Variants in ZBTB44 observed in about 807,000 individuals in gnomAD.
ZBTB44 encodes the protein zinc finger and BTB domain containing 44, also known as zinc finger and BTB domain-containing protein 44.
ZBTB44 carries 15 observed loss-of-function variants against 54.0 expected under a neutral mutation model. The observed-to-expected ratio is 0.28, with a 90% CI of 0.19 to 0.43. The LOEUF (loss-of-function observed/expected upper bound fraction) is 0.43. Among genes scored for constraint, ZBTB44 ranks in the 20% least tolerant of loss-of-function variants. The probability of loss-of-function intolerance (pLI) is 1.00; values close to 1 mark genes in which losing one functional copy is unlikely to be tolerated. For missense variants in ZBTB44, 487 were observed against 707.1 expected (o/e 0.69, Z 3.53); for synonymous variants, 230 against 250.1 (o/e 0.92, Z 0.76).
chr11:130,293,597 T>C (rs1160770026), intron 1 of ZBTB44, among the ~76,000 whole-genome samples: 1 of 142,036 alleles, frequency 7.0e-6, no homozygotes, highest in Non-Finnish European at 1.5e-5. Flanking sequence ...CTGGCCAACA[T>C]GATGAAACTC....
At chr11:130,292,310 T>C (rs1264960832) in intron 1 of ZBTB44, among the ~76,000 whole-genome samples, 1 of 152,228 alleles carries the variant, frequency 6.6e-6, no homozygotes, top group East Asian at 1.9e-4. Flanking sequence ...ACTCTTAATA[T>C]GGCTTATTAT....
chr11:130,293,004 G>T (rs557058265), intron 1 of ZBTB44, among the ~76,000 whole-genome samples: 2 of 152,098 alleles, frequency 1.3e-5, no homozygotes, highest in Admixed American at 6.6e-5. Context: ...CAAGTTTTTA[G>T]ATTAGATTTA....
intron 2 of ZBTB44, among the ~76,000 whole-genome samples, chr11:130,252,001 T>C (rs562742118): frequency 6.6e-6 from 1 of 152,276 alleles, no homozygotes; most frequent in South Asian, 2.1e-4. Context: ...TTGAGACCCA[T>C]TGGTGTGCTG....
Position 130,237,000 on chromosome 11 carries a change from C to T in ZBTB44, c.1361G>A (p.Cys454Tyr), listed in dbSNP as rs753105168. 1 of 1,612,172 alleles carries T rather than the reference C, an allele frequency of 6.2e-7. No individual in the cohort carries two copies. Among genetic ancestry groups the T allele is most frequent in the Non-Finnish European group, 8.5e-7 (1 of 1,179,166 alleles). ...MHRLKHEGKR[C>Y]FRCQICSATF... ...GGCACTACATATCTGGCACCGGAAA[C>T]AGCGTTTACCTTCATGCTTTAGGCG... Residue 454 changes from cysteine (C) to tyrosine (Y), a missense_variant, in exon 5 of 8, where the codon TGT becomes TAT. Physicochemically the swap from Cys to Tyr is radical, Grantham distance 194 (BLOSUM62 -2). This residue lies in a region of ZBTB44 where 120 missense variants were observed against 240.3 expected (regional missense o/e 0.50). Transcript: ENST00000357899.
At chr11:130,234,055 G>A in intron 6 of ZBTB44, 101 bp downstream of exon 6, 1 of 1,533,256 alleles carries the variant, frequency 6.5e-7, no homozygotes, top group Non-Finnish European at 8.8e-7. Flanking sequence ...CTCAGCACAA[G>A]CACTGCTCTT....
chr11:130,299,458 C>A (rs1053941096), intron 1 of ZBTB44, among the ~76,000 whole-genome samples: 1 of 150,954 alleles, frequency 6.6e-6, no homozygotes, highest in Admixed American at 6.6e-5. Context: ...GAGGCTGGGG[C>A]AGGAGAATCA....
At chr11:130,236,136 T>C in intron 5 of ZBTB44, 1 of 1,286,908 alleles carries the variant, frequency 7.8e-7, no homozygotes, top group Non-Finnish European at 1.0e-6. Context: ...AGTTTCAAGC[T>C]TTTTCATGTG....
chr11:130,277,568 ATTTC>A (rs1411113742), intron 1 of ZBTB44, among the ~76,000 whole-genome samples: 1 of 151,936 alleles, frequency 6.6e-6, no homozygotes, highest in African/African-American at 2.4e-5. Flanking sequence ...GATTTATTAC[ATTTC>A]TTTGTTATGG....
At chr11:130,284,841 C>T (rs1940825736) in intron 1 of ZBTB44, among the ~76,000 whole-genome samples, 1 of 152,008 alleles carries the variant, frequency 6.6e-6, no homozygotes, top group Non-Finnish European at 1.5e-5. Flanking sequence ...ACTCCACAGC[C>T]TGGGAAACAG....
Position 130,234,239 on chromosome 11 carries a change from G to A in ZBTB44, c.1603C>T (p.Gln535Ter). ...FLVPDYLNQE[Q>*]EETLVQYDLG... is the part of the protein sequence containing the mutation. The stretch of plus-strand genomic sequence containing the variant: ...TCATATTGAACAAGGGTCTCTTCTT[G>A]TTCCTGGTTTAAGTAGTCCGGTACT... Residue 535 changes from glutamine (Q) to a stop codon, truncating the protein, a stop_gained, in exon 6 of 8, where the codon CAA becomes TAA. Coordinates refer to ENST00000357899, the MANE Select transcript of ZBTB44 (RefSeq NM_001301098.2). LOFTEE classifies it high-confidence loss of function. 6.5e-7 allele frequency: 1 copy of A among 1,528,160 alleles called. No individual in the cohort carries two copies. The highest frequency in any genetic ancestry group is 8.8e-7 in the Non-Finnish European group (1 of 1,138,024). 94.7% of individuals were successfully genotyped at this position (1,528,160 alleles called of 1,614,324 possible).
chr11:130,311,885 G>A (rs1007522384), intron 1 of ZBTB44, among the ~76,000 whole-genome samples: 5 of 152,110 alleles, frequency 3.3e-5, no homozygotes, highest in African/African-American at 1.2e-4. Context: ...ACACACAATA[G>A]TCAGCTTGAA....
chr11:130,295,915 A>G lies in ZBTB44; in HGVS notation c.-57+18460T>C. The G allele has an allele frequency of 2.6e-6, 4 of 1,514,854 alleles. No homozygotes were observed. The South Asian group carries it at 4.5e-5, about 17-fold the overall frequency. 93.8% of individuals were successfully genotyped at this position (1,514,854 alleles called of 1,614,324 possible). On this transcript the variant is annotated intron_variant, in intron 1 of 7. Coordinates refer to ENST00000357899, the MANE Select transcript of ZBTB44 (RefSeq NM_001301098.2). ...CTATGGGTTGATAATGGGTGGCAGT[A>G]ACGGATCTGCTGAAGCACAGAAACT... is the stretch of plus-strand genomic sequence containing the variant.
intron 1 of ZBTB44, among the ~76,000 whole-genome samples, chr11:130,270,178 T>C (rs1055129657): frequency 2.0e-5 from 3 of 152,186 alleles, no homozygotes; most frequent in African/African-American, 7.2e-5. Flanking sequence ...TCTATTTAAA[T>C]ATGCAGCCAC....
intron 2 of ZBTB44, among the ~76,000 whole-genome samples, chr11:130,245,183 G>T (rs1443307132): frequency 6.6e-6 from 1 of 152,162 alleles, no homozygotes; most frequent in African/African-American, 2.4e-5. Flanking sequence ...TCTGGTGTAT[G>T]TGTAGCATTT....
Position 130,305,243 on chromosome 11 carries a change from C to T in ZBTB44, c.-57+9132G>A, listed in dbSNP as rs145322382. The stretch of plus-strand genomic sequence containing the variant: ...AAAATACCATCATCATTCTATAGAA[C>T]TAGAAAACACAATTCTAAAATTCAT... On this transcript the variant is annotated intron_variant, in intron 1 of 7. Transcript: ENST00000357899. 7.2e-4 allele frequency among the ~76,000 whole-genome samples: 109 copies of T among 152,140 alleles called. No homozygotes were observed. The East Asian group carries it at 0.02, about 28-fold the overall frequency.
intron 2 of ZBTB44, among the ~76,000 whole-genome samples, chr11:130,249,541 G>C (rs531256742): frequency 6.6e-6 from 1 of 152,296 alleles, no homozygotes; most frequent in Admixed American, 6.5e-5. Context: ...CCAGTCTGCA[G>C]CTCCCAGTGA....
intron 4 of ZBTB44, among the ~76,000 whole-genome samples, chr11:130,237,477 G>A (rs1243304667): frequency 6.6e-6 from 1 of 152,140 alleles, no homozygotes; most frequent in Non-Finnish European, 1.5e-5. Flanking sequence ...GAACGGATAT[G>A]AAAATCATCA....
At chr11:130,279,944 C>G (rs907642846) in intron 1 of ZBTB44, among the ~76,000 whole-genome samples, 9 of 152,166 alleles carry the variant, frequency 5.9e-5, no homozygotes, top group African/African-American at 2.2e-4. Flanking sequence ...GTCTCTAAAG[C>G]TGGGGATGGA....
At position 130,238,616 on chromosome 11, in the gene ZBTB44, A is replaced by T. The variant is rs1270210480; in HGVS notation, c.1104-9T>A. The T allele has an allele frequency of 6.2e-7, 1 of 1,607,860 alleles. No individual in the cohort carries two copies. The highest frequency in any genetic ancestry group is 1.7e-5 in the Admixed American group (1 of 58,866). On this transcript the variant is annotated splice_polypyrimidine_tract_variant and intron_variant, in intron 3 of 7. Transcript: ENST00000357899. Reference sequence around the variant, plus strand: ...ACTGAACATTTTCCAATCTAAAAAAAACAGACCAAAGAAGGCAACCAGGCT... The same window carrying T: ...ACTGAACATTTTCCAATCTAAAAAATACAGACCAAAGAAGGCAACCAGGCT...
Sources: allele counts gnomAD v4.1 joint callset (sites outside exome capture counted in the v4.1 genomes callset), GRCh38; gene constraint gnomAD v4.1.1; regional missense constraint gnomAD v4.1.1; transcripts MANE v1.5; gene names NCBI Gene and HGNC (gene_info 2026-07-23, HGNC 2026-07-21).